The following ENTPD1 variants were observed in gnomAD, a reference collection of about 807,000 sequenced individuals.
ENTPD1 encodes ectonucleoside triphosphate diphosphohydrolase 1.
ENTPD1 carries 33 observed loss-of-function variants against 57.0 expected under a neutral mutation model. That is an observed-to-expected ratio of 0.58 (90% CI 0.44 to 0.77). The LOEUF (loss-of-function observed/expected upper bound fraction) is 0.77. Ranked by LOEUF, ENTPD1 falls within the 30% of genes least tolerant of loss-of-function variation. The probability of loss-of-function intolerance (pLI) is 0.00; values close to 1 mark genes in which losing one functional copy is unlikely to be tolerated. For missense variants in ENTPD1, 501 were observed against 603.4 expected (o/e 0.83, Z 1.78); for synonymous variants, 202 against 218.8 (o/e 0.92, Z 0.68).
At chr10:95,755,639 A>G, upstream of ENTPD1, 1 of 1,516,110 alleles carries the variant, frequency 6.6e-7, no homozygotes, top group Non-Finnish European at 8.9e-7. Flanking sequence ...CAGGAAACTC[A>G]TCGCTTGGGT....
intron 7 of ENTPD1, among the ~76,000 whole-genome samples, chr10:95,856,804 A>G (rs2098455814): frequency 6.6e-6 from 1 of 150,544 alleles, no homozygotes; most frequent in Non-Finnish European, 1.5e-5. Flanking sequence ...AAATTTGTCT[A>G]GTATCATCAT....
chr10:95,873,014 T>C lies in ENTPD1; in HGVS notation c.*6631T>C, dbSNP rs2098482175. ...AAAGATCATGCATCTCAAAATTTAA[T>C]GTACATACAAATTACCCAGGGATTT... On this transcript the variant is annotated 3_prime_UTR_variant, in exon 10 of 10. Transcript: ENST00000371205. 2.0e-6 allele frequency: 2 copies of C among 980,616 alleles called. No homozygotes were observed. The highest frequency in any genetic ancestry group is 2.4e-6 in the Non-Finnish European group (2 of 825,630). The allele number at this position is 980,616 out of a possible 1,614,324, so 60.7% of individuals were successfully genotyped here.
chr10:95,839,130 G>C (rs2098417353), intron 2 of ENTPD1, among the ~76,000 whole-genome samples: 1 of 152,114 alleles, frequency 6.6e-6, no homozygotes, highest in Non-Finnish European at 1.5e-5. Flanking sequence ...ACGTCTTACT[G>C]GCATTCAATG....
intron 1 of ENTPD1, among the ~76,000 whole-genome samples, chr10:95,818,651 TGA>T (rs1211391160): frequency 1.3e-5 from 2 of 152,172 alleles, no homozygotes; most frequent in Non-Finnish European, 2.9e-5. Flanking sequence ...ATGAAATAAC[TGA>T]GAGAGGATCT....
At chr10:95,784,106 T>TTTTTC in intron 1 of ENTPD1, among the ~76,000 whole-genome samples, 1 of 150,782 alleles carries the variant, frequency 6.6e-6, no homozygotes, top group Admixed American at 6.6e-5. Context: ...CTTGTTCTTT[T>TTTTTC]TTTTTTTTTT....
intron 1 of ENTPD1, among the ~76,000 whole-genome samples, chr10:95,719,362 C>G (rs1413047059): frequency 6.6e-6 from 1 of 152,204 alleles, no homozygotes; most frequent in Non-Finnish European, 1.5e-5. Flanking sequence ...AGGTGTCCTT[C>G]TTACTAAATG....
At position 95,784,717 on chromosome 10, in the gene ENTPD1, T is replaced by G. The variant is rs139196125; in HGVS notation, c.16+28462T>G. On this transcript the variant is annotated intron_variant, in intron 1 of 9. Coordinates refer to ENST00000371205, the MANE Select transcript of ENTPD1 (RefSeq NM_001776.6). Reference sequence around the variant, plus strand: ...TCTTTTCCCTCAGGCTGGCAGACAATGAGGAAGGAGGAGAGAGAGCTACCC... The same window carrying G: ...TCTTTTCCCTCAGGCTGGCAGACAAGGAGGAAGGAGGAGAGAGAGCTACCC... Among the ~76,000 whole-genome samples the G allele has an allele frequency of 4.5e-3, 684 of 151,956 alleles. 3 individuals carry two copies. The highest frequency in any genetic ancestry group is 0.017 in the Middle Eastern group (5 of 294).
intron 1 of ENTPD1, among the ~76,000 whole-genome samples, chr10:95,746,463 T>TA (rs201924902): frequency 2.2e-4 from 34 of 151,216 alleles, no homozygotes; most frequent in East Asian, 1.5e-3. Flanking sequence ...TCTTGGCCTT[T>TA]AAAAAAAAAC....
chr10:95,772,651 A>C (rs2140109167), intron 1 of ENTPD1, among the ~76,000 whole-genome samples: 1 of 152,256 alleles, frequency 6.6e-6, no homozygotes, highest in African/African-American at 2.4e-5. Flanking sequence ...GAGCCCCTCC[A>C]AGTCATTCAT....
chr10:95,704,399 A>G, the ENTPD1 span, among the ~76,000 whole-genome samples: 1 of 152,234 alleles, frequency 6.6e-6, no homozygotes, highest in Non-Finnish European at 1.5e-5. Context: ...TATTATTAAG[A>G]TAAAATAATT....
the ENTPD1 span, among the ~76,000 whole-genome samples, chr10:95,695,302 C>G: frequency 3.9e-5 from 6 of 152,176 alleles, no homozygotes; most frequent in African/African-American, 1.4e-4. Flanking sequence ...CAAAATATTG[C>G]TCCTCCTAGA....
At chr10:95,714,157 A>G (rs1187743278) in intron 1 of ENTPD1, among the ~76,000 whole-genome samples, 1 of 152,086 alleles carries the variant, frequency 6.6e-6, no homozygotes, top group Non-Finnish European at 1.5e-5. Context: ...CAAAAAATAC[A>G]AAAATTAGCT....
the ENTPD1 span, among the ~76,000 whole-genome samples, chr10:95,705,268 C>T: frequency 1.2e-5 from 1 of 84,144 alleles, no homozygotes; most frequent in Non-Finnish European, 2.7e-5. Flanking sequence ...GGTGTATACC[C>T]AGTAGAAAAT....
chr10:95,815,362 A>G (rs968410191), intron 1 of ENTPD1, among the ~76,000 whole-genome samples: 4 of 152,214 alleles, frequency 2.6e-5, no homozygotes, highest in African/African-American at 9.7e-5. Flanking sequence ...CCTGAGAAAC[A>G]CAGTCTCAGC....
At chr10:95,836,646 T>C (rs2098410421) in intron 2 of ENTPD1, among the ~76,000 whole-genome samples, 1 of 152,224 alleles carries the variant, frequency 6.6e-6, no homozygotes, top group Admixed American at 6.6e-5. Flanking sequence ...GTTTCTCCAC[T>C]GCCAGACTTT....
chr10:95,870,544 G>A lies in ENTPD1; in HGVS notation c.*4161G>A, dbSNP rs2098479262. On this transcript the variant is annotated 3_prime_UTR_variant, in exon 10 of 10. Coordinates refer to ENST00000371205, the MANE Select transcript of ENTPD1 (RefSeq NM_001776.6). Reference sequence around the variant, plus strand: ...TCCTCCTGCCTTGGCCTCCCAAAGTGTTGAGATTACAGGCGTAAGCCACTG... The same window carrying A: ...TCCTCCTGCCTTGGCCTCCCAAAGTATTGAGATTACAGGCGTAAGCCACTG... The A allele has an allele frequency of 1.0e-6, 1 of 984,476 alleles. No individual in the cohort carries two copies. Among genetic ancestry groups the A allele is most frequent in the East Asian group, 1.1e-4 (1 of 8,818 alleles). The allele number at this position is 984,476 out of a possible 1,614,324, so 61.0% of individuals were successfully genotyped here.
chr10:95,735,841 C>T (rs1348348825), intron 1 of ENTPD1, among the ~76,000 whole-genome samples: 1 of 152,108 alleles, frequency 6.6e-6, no homozygotes, highest in Non-Finnish European at 1.5e-5. Flanking sequence ...AGGTGATCCA[C>T]CCACCTTGGC....
intron 1 of ENTPD1, among the ~76,000 whole-genome samples, chr10:95,726,576 A>T (rs1385483286): frequency 6.6e-6 from 1 of 152,186 alleles, no homozygotes; most frequent in Non-Finnish European, 1.5e-5. Context: ...CTTTTATTTT[A>T]GTAGTTGAAA....
intron 1 of ENTPD1, among the ~76,000 whole-genome samples, chr10:95,731,797 T>TTTTTTTTC (rs1314449314): frequency 7.0e-6 from 1 of 143,600 alleles, no homozygotes; most frequent in African/African-American, 2.6e-5. Context: ...TTTTTTTTTT[T>TTTTTTTTC]TTTTTGACAG....
Sources: gnomAD v4.1 joint callset for allele counts (sites outside exome capture counted in the v4.1 genomes callset) on GRCh38, gnomAD v4.1.1 for gene constraint, MANE v1.5 for transcripts, NCBI Gene and HGNC (gene_info 2026-07-23, HGNC 2026-07-21) for gene names.